WDR1: variants seen among roughly 807,000 people sequenced by gnomAD.
WDR1 encodes the protein WD repeat-containing protein 1.
In WDR1, 21 loss-of-function variants were observed where a neutral mutation model predicts 71.9. That is an observed-to-expected ratio of 0.29 (90% CI 0.21 to 0.42). The LOEUF is 0.42. WDR1 is among the 10% of genes least tolerant of loss of function. WDR1 has a pLI of 1.00. For synonymous variants in WDR1, 424 were observed against 347.4 expected, an observed-to-expected ratio of 1.22 and a Z score of -2.45; for missense variants, 696 against 824.5, an observed-to-expected ratio of 0.84 and a Z score of 1.91.
At position 10,075,001 on chromosome 4, in the gene WDR1, G is replaced by T. The variant is rs747027414; in HGVS notation, c.*377C>A. 8 of 300,858 alleles carry T rather than the reference G, an allele frequency of 2.7e-5. No homozygotes were observed. The Admixed American group carries it at 3.8e-4, about 14-fold the overall frequency. The allele number at this position is 300,858 out of a possible 1,614,324, so 18.6% of individuals were successfully genotyped here. Reference sequence around the variant, plus strand: ...CTGCAGGCAGGAACATGAGCCCCCCGGCTCATTCACCTGTACAACCTCCCC... The same window carrying T: ...CTGCAGGCAGGAACATGAGCCCCCCTGCTCATTCACCTGTACAACCTCCCC... On this transcript the variant is annotated 3_prime_UTR_variant, in exon 15 of 15. Coordinates refer to ENST00000499869, the MANE Select transcript of WDR1 (RefSeq NM_017491.5).
At chr4:10,116,040 G>GGA in intron 2 of WDR1, 73 bp downstream of exon 2, 1 of 1,559,286 alleles carries the variant, frequency 6.4e-7, no homozygotes, top group Non-Finnish European at 8.7e-7. Context: ...GGTGAGAAGT[G>GGA]GAGAGGAAGG....
intron 3 of WDR1, among the ~76,000 whole-genome samples, chr4:10,100,765 C>CG (rs1007857634): frequency 4.6e-5 from 7 of 151,890 alleles, no homozygotes; most frequent in African/African-American, 1.2e-4. Flanking sequence ...TAAAACAGGC[C>CG]GGGGGGGAAG....
In WDR1 at chr4:10,099,157, C is replaced by T. The variant is rs372352948; in HGVS notation, c.230-18G>A. The stretch of plus-strand genomic sequence containing the variant: ...AGACACATCTGTGGGGCACAGCGGG[C>T]GGGGGAGGGGGGGAGGCGGTGGTGG... On this transcript the variant is annotated intron_variant, in intron 3 of 14. Coordinates refer to ENST00000499869, the MANE Select transcript of WDR1 (RefSeq NM_017491.5). 1,845 of 226,508 alleles carry T rather than the reference C, an allele frequency of 8.1e-3. 16 individuals are homozygous for T. The African/African-American group carries it at 0.15, about 18-fold the overall frequency. 14.0% of individuals were successfully genotyped at this position (226,508 alleles called of 1,614,324 possible).
chr4:10,115,863 T>C (rs550537324), intron 2 of WDR1: 2 of 472,468 alleles, frequency 4.2e-6, no homozygotes, highest in South Asian at 2.6e-5. Flanking sequence ...TCCGGCGCTT[T>C]CAGGGTGCTA....
At chr4:10,114,939 C>G (rs1194356770) in intron 2 of WDR1, among the ~76,000 whole-genome samples, 1 of 152,180 alleles carries the variant, frequency 6.6e-6, no homozygotes, top group Non-Finnish European at 1.5e-5. Flanking sequence ...AGCAGCTCTT[C>G]GGACCAAGAG....
chr4:10,083,920 G>A (rs558873663), intron 9 of WDR1, among the ~76,000 whole-genome samples: 9 of 152,254 alleles, frequency 5.9e-5, no homozygotes, highest in Non-Finnish European at 1.2e-4. Context: ...AGGGCCACAA[G>A]GCACCTCGCA....
At chr4:10,083,996 T>C (rs1360720178) in intron 9 of WDR1, among the ~76,000 whole-genome samples, 4 of 152,230 alleles carry the variant, frequency 2.6e-5, no homozygotes, top group African/African-American at 9.6e-5. Context: ...ATCAGCTCTC[T>C]GGGCTCTGGT....
intron 9 of WDR1, among the ~76,000 whole-genome samples, chr4:10,084,071 T>C (rs1483685721): frequency 1.3e-5 from 2 of 152,100 alleles, no homozygotes; most frequent in Non-Finnish European, 2.9e-5. Flanking sequence ...ATTCTAGGAA[T>C]CAAGAAACCC....
chr4:10,076,989 G>C (rs559392327), intron 14 of WDR1: 3 of 352,928 alleles, frequency 8.5e-6, no homozygotes, highest in Non-Finnish European at 1.6e-5. Context: ...GGACGTGGCT[G>C]TCTTAGGGAG....
At chr4:10,107,467 T>C (rs1230888061) in intron 2 of WDR1, among the ~76,000 whole-genome samples, 1 of 152,162 alleles carries the variant, frequency 6.6e-6, no homozygotes, top group Non-Finnish European at 1.5e-5. Flanking sequence ...CAACCCACCC[T>C]TCCTGAGCTC....
At chr4:10,077,980 C>A in intron 12 of WDR1, 54 bp from the exon 13 acceptor site, 2 of 1,509,680 alleles carry the variant, frequency 1.3e-6, no homozygotes, top group East Asian at 2.4e-5. Context: ...ACACCACACC[C>A]ATCCTTTGTG....
At chr4:10,075,685 G>GT in intron 14 of WDR1, 1 of 599,706 alleles carries the variant, frequency 1.7e-6, no homozygotes, top group South Asian at 2.0e-5. Flanking sequence ...CCGGGGCCGG[G>GT]TACCTCTTTT....
At chr4:10,081,619 T>C (rs1765016406) in intron 10 of WDR1, among the ~76,000 whole-genome samples, 175 bp from the exon 11 acceptor site, 2 of 124,568 alleles carry the variant, frequency 1.6e-5, no homozygotes, top group African/African-American at 3.1e-5. Context: ...TCCATGACTC[T>C]GGTGCAAAGA....
At chr4:10,076,370 C>G (rs551265752) in intron 14 of WDR1, 2 of 152,340 alleles carry the variant, frequency 1.3e-5, no homozygotes, top group Non-Finnish European at 2.9e-5. Context: ...ACTATCTGCA[C>G]GAGAACCCGA....
chr4:10,112,449 T>C (rs1353654862), intron 2 of WDR1, among the ~76,000 whole-genome samples: 1 of 152,116 alleles, frequency 6.6e-6, no homozygotes, highest in Non-Finnish European at 1.5e-5. Context: ...ATGGCCACCA[T>C]TATAGTCTTT....
intron 2 of WDR1, among the ~76,000 whole-genome samples, chr4:10,114,900 G>A (rs1713615922): frequency 6.6e-6 from 1 of 152,294 alleles, no homozygotes; most frequent in South Asian, 2.1e-4. Context: ...GCGACTGCCT[G>A]GGTTAACGAG....
chr4:10,080,793 G>A (rs1764984541), intron 11 of WDR1, among the ~76,000 whole-genome samples: 1 of 152,238 alleles, frequency 6.6e-6, no homozygotes, highest in African/African-American at 2.4e-5. Context: ...AGCCAGGCCG[G>A]GAAGTCAGGT....
At chr4:10,110,622 C>T (rs759043717) in intron 2 of WDR1, among the ~76,000 whole-genome samples, 1 of 152,204 alleles carries the variant, frequency 6.6e-6, no homozygotes, top group Non-Finnish European at 1.5e-5. Flanking sequence ...GGCACTTCTC[C>T]AGCAGCTGTC....
intron 2 of WDR1, among the ~76,000 whole-genome samples, chr4:10,114,613 T>C (rs182471347): frequency 2.2e-4 from 34 of 152,344 alleles, no homozygotes; most frequent in African/African-American, 6.7e-4. Flanking sequence ...TGTTAGTGGA[T>C]TTTATTTGCC....
Sources: allele counts gnomAD v4.1 joint callset (sites outside exome capture counted in the v4.1 genomes callset), GRCh38; gene constraint gnomAD v4.1.1; transcripts MANE v1.5; gene names NCBI Gene and HGNC (gene_info 2026-07-23, HGNC 2026-07-21).